FBXL13: variants seen among roughly 807,000 people sequenced by gnomAD.
The protein encoded by FBXL13 is F-box and leucine rich repeat protein 13, also known as F-box and leucine-rich repeat protein 13.
A neutral mutation model predicts 83.6 loss-of-function variants in FBXL13; 67 were observed. The ratio of observed to expected loss-of-function variants is 0.80; its 90% confidence interval spans 0.66 to 0.98. The LOEUF (loss-of-function observed/expected upper bound fraction) is 0.98, where lower values mean the gene tolerates loss of function less well. FBXL13 is among the 50% of genes least tolerant of loss of function. FBXL13 has a pLI of 0.00. For missense variants in FBXL13, 822 were observed against 866.5 expected (o/e 0.95, Z 0.64); for synonymous variants, 272 against 299.5 (o/e 0.91, Z 0.95).
intron 17 of FBXL13, among the ~76,000 whole-genome samples, chr7:102,840,709 A>G (rs1802775809): frequency 6.6e-6 from 1 of 152,200 alleles, no homozygotes; most frequent in African/African-American, 2.4e-5. Flanking sequence ...GATCTAATCA[A>G]GGGAGGCTAC....
chr7:102,958,316 C>G (rs1333415445), intron 8 of FBXL13, among the ~76,000 whole-genome samples: 1 of 150,700 alleles, frequency 6.6e-6, no homozygotes, highest in Non-Finnish European at 1.5e-5. Context: ...TGTTCTCATT[C>G]ATAGGTGGGA....
chr7:102,961,637 G>T (rs1198538940), intron 8 of FBXL13, among the ~76,000 whole-genome samples: 5 of 151,858 alleles, frequency 3.3e-5, no homozygotes, highest in African/African-American at 9.7e-5. Context: ...CCAAAACAGA[G>T]ATATAGACCA....
intron 8 of FBXL13, among the ~76,000 whole-genome samples, chr7:102,958,751 G>T (rs543146495): frequency 6.6e-6 from 1 of 151,704 alleles, no homozygotes; most frequent in African/African-American, 2.4e-5. Context: ...TATAACATGC[G>T]TGAAGACAAA....
At chr7:103,017,822 T>G (rs1792560629) in intron 6 of FBXL13, among the ~76,000 whole-genome samples, 1 of 152,114 alleles carries the variant, frequency 6.6e-6, no homozygotes, top group Non-Finnish European at 1.5e-5. Flanking sequence ...AATATGGGAT[T>G]ATGTGAAAAG....
At chr7:102,922,744 G>A (rs534861065) in intron 10 of FBXL13, among the ~76,000 whole-genome samples, 3 of 151,952 alleles carry the variant, frequency 2.0e-5, no homozygotes, top group Admixed American at 6.6e-5. Flanking sequence ...AGGCCGAGGC[G>A]GGCGGATCAC....
intron 6 of FBXL13, among the ~76,000 whole-genome samples, chr7:102,969,049 C>A (rs1826295121): frequency 6.6e-6 from 1 of 152,120 alleles, no homozygotes. Flanking sequence ...TTAGTGTAAC[C>A]TAAGTGTACA....
chr7:102,856,883 C>T (rs6976005), intron 16 of FBXL13, among the ~76,000 whole-genome samples: 29,129 of 152,094 alleles, frequency 0.19, 3,057 homozygotes, highest in East Asian at 0.43. Context: ...AGCAATTCTA[C>T]TCCTAGGTTT....
At chr7:102,932,255 C>T (rs1819325453) in intron 8 of FBXL13, among the ~76,000 whole-genome samples, 1 of 152,034 alleles carries the variant, frequency 6.6e-6, no homozygotes, top group African/African-American at 2.4e-5. Flanking sequence ...TTTTTTGTGC[C>T]TGCTTTTTTA....
intron 8 of FBXL13, among the ~76,000 whole-genome samples, chr7:102,939,004 GA>G (rs1291320687): frequency 6.6e-6 from 1 of 151,978 alleles, no homozygotes; most frequent in African/African-American, 2.4e-5. Flanking sequence ...CATTTTTTTC[GA>G]CCCATTTATT....
intron 17 of FBXL13, among the ~76,000 whole-genome samples, chr7:102,840,996 C>G (rs138772438): frequency 6.6e-6 from 1 of 151,952 alleles, no homozygotes; most frequent in African/African-American, 2.4e-5. Context: ...ATATAATGAA[C>G]AAAATTTAAC....
chr7:102,900,954 C>A (rs1466951605), intron 11 of FBXL13, among the ~76,000 whole-genome samples: 1 of 152,224 alleles, frequency 6.6e-6, no homozygotes, highest in African/African-American at 2.4e-5. Flanking sequence ...CAATTCTTTA[C>A]ACATTTAGAA....
intron 17 of FBXL13, among the ~76,000 whole-genome samples, chr7:102,834,140 AAAGAG>A (rs1414654420): frequency 9.7e-6 from 1 of 102,992 alleles, no homozygotes; most frequent in South Asian, 3.4e-4. Flanking sequence ...GAAAGAAAGA[AAAGAG>A]AAGACAAGAG....
chr7:102,995,489 A>T (rs1229235668), intron 6 of FBXL13, among the ~76,000 whole-genome samples: 1 of 135,770 alleles, frequency 7.4e-6, no homozygotes, highest in Non-Finnish European at 1.6e-5. Context: ...AAAAAAAAAA[A>T]AAAAAAAAAA....
chr7:103,055,746 G>A (rs1458775383), exon 2 of FBXL13: 1 of 1,245,496 alleles, frequency 8.0e-7, no homozygotes, highest in Admixed American at 2.6e-5. Flanking sequence ...ACATAACAGT[G>A]CCTAGGGGAA....
At chr7:102,972,025 C>T (rs972090090) in intron 6 of FBXL13, among the ~76,000 whole-genome samples, 4 of 90,976 alleles carry the variant, frequency 4.4e-5, no homozygotes, top group African/African-American at 7.3e-5. Context: ...GAGTCCATCT[C>T]AAAAAAAAAA....
At chr7:102,815,637 G>A (rs1005032916) in intron 19 of FBXL13, among the ~76,000 whole-genome samples, 1 of 152,116 alleles carries the variant, frequency 6.6e-6, no homozygotes, top group Non-Finnish European at 1.5e-5. Context: ...CAATGATCTT[G>A]ACCTATAGGA....
intron 8 of FBXL13, chr7:102,934,505 C>CA: frequency 1.9e-6 from 3 of 1,612,386 alleles, no homozygotes; most frequent in Middle Eastern, 3.3e-4. Context: ...TCCACAAGAA[C>CA]AAAAAAATAA....
intron 11 of FBXL13, among the ~76,000 whole-genome samples, chr7:102,902,475 T>A (rs1280357076): frequency 6.6e-6 from 1 of 152,216 alleles, no homozygotes; most frequent in Non-Finnish European, 1.5e-5. Flanking sequence ...TGGTTGCCTG[T>A]ACTTGTGGGG....
At chr7:102,863,435 G>C (rs891926801) in intron 16 of FBXL13, among the ~76,000 whole-genome samples, 1 of 151,268 alleles carries the variant, frequency 6.6e-6, no homozygotes, top group Non-Finnish European at 1.5e-5. Flanking sequence ...ACATAAGAAG[G>C]CTTCTTTCAT....
Sources: gnomAD v4.1 joint callset for allele counts (sites outside exome capture counted in the v4.1 genomes callset) on GRCh38, gnomAD v4.1.1 for gene constraint, MANE v1.5 for transcripts, NCBI Gene and HGNC (gene_info 2026-07-23, HGNC 2026-07-21) for gene names.